Variants in TPD52L1 observed in about 807,000 individuals in gnomAD.
The protein encoded by TPD52L1 is TPD52 like 1.
Under a neutral mutation model 28.7 loss-of-function variants are expected in TPD52L1, and 18 were observed. The observed-to-expected ratio is 0.63, with a 90% CI of 0.43 to 0.93. The LOEUF is 0.93. Ranked by LOEUF, TPD52L1 falls within the 40% of genes least tolerant of loss-of-function variation. The pLI is 0.00. For synonymous variants in TPD52L1, 75 were observed against 88.8 expected (o/e 0.84, Z 0.88); for missense variants, 203 against 254.8 (o/e 0.80, Z 1.39).
chr6:125,202,298 AT>A (rs1157935142), intron 1 of TPD52L1, among the ~76,000 whole-genome samples: 1 of 152,070 alleles, frequency 6.6e-6, no homozygotes, highest in Non-Finnish European at 1.5e-5. Context: ...TGTCAAGAAA[AT>A]TTTTTCCTGA....
chr6:125,218,016 T>A (rs1794994092), intron 1 of TPD52L1, among the ~76,000 whole-genome samples: 1 of 152,182 alleles, frequency 6.6e-6, no homozygotes, highest in South Asian at 2.1e-4. Flanking sequence ...TGACTTACAG[T>A]TTGTTGACAC....
chr6:125,232,156 A>G (rs1419233379), intron 3 of TPD52L1, among the ~76,000 whole-genome samples: 1 of 152,218 alleles, frequency 6.6e-6, no homozygotes, highest in East Asian at 1.9e-4. Context: ...AAACTAGATG[A>G]CTAGATGAGA....
intron 3 of TPD52L1, among the ~76,000 whole-genome samples, chr6:125,246,440 A>G (rs1796930062): frequency 6.6e-6 from 1 of 152,128 alleles, no homozygotes; most frequent in South Asian, 2.1e-4. Context: ...GTCTCCACAC[A>G]CTATTCTGTC....
chr6:125,222,317 A>G (rs2114968097), intron 2 of TPD52L1, among the ~76,000 whole-genome samples: 1 of 152,282 alleles, frequency 6.6e-6, no homozygotes, highest in Middle Eastern at 3.4e-3. Context: ...GAGATTCTTT[A>G]TGGGCCCCTG....
chr6:125,177,792 T>G (rs1393365687), intron 1 of TPD52L1, among the ~76,000 whole-genome samples: 2 of 152,198 alleles, frequency 1.3e-5, no homozygotes, highest in Admixed American at 1.3e-4. Flanking sequence ...ACCATTACTT[T>G]TAAAGCGACT....
At position 125,156,690 on chromosome 6, in the gene TPD52L1, G is replaced by A. The variant is rs1423251196; in HGVS notation, c.19+2720G>A. On this transcript the variant is annotated intron_variant, in intron 1 of 6. Transcript: ENST00000534000. ...AGGTTGAGGTGGGAGGATCACCTGA[G>A]CCCAGCAGGTGGAGGCAGCCGTGAG... 2.0e-5 allele frequency among the ~76,000 whole-genome samples: 3 copies of A among 152,062 alleles called. No homozygotes were observed. In the East Asian group the frequency reaches 5.8e-4, roughly 29 times the overall value.
intron 1 of TPD52L1, among the ~76,000 whole-genome samples, chr6:125,175,219 C>A (rs529394585): frequency 6.6e-6 from 1 of 152,060 alleles, no homozygotes; most frequent in East Asian, 1.9e-4. Context: ...ATGGAGAGCA[C>A]TCTATAAATA....
intron 2 of TPD52L1, among the ~76,000 whole-genome samples, chr6:125,222,828 C>A (rs775043204): frequency 2.6e-5 from 4 of 152,176 alleles, no homozygotes; most frequent in Non-Finnish European, 4.4e-5. Context: ...CCTCTTTATT[C>A]TCTTACACAA....
rs555104566 is a variant in TPD52L1 at position 125,204,297 on chromosome 6, C to T, written c.20-15781C>T. Among the ~76,000 whole-genome samples the T allele has an allele frequency of 7.2e-5, 11 of 152,220 alleles. No individual in the cohort carries two copies. The South Asian group carries it at 2.3e-3, about 32-fold the overall frequency. On this transcript the variant is annotated intron_variant, in intron 1 of 6. Transcript: ENST00000534000. ...ATGTAGTCCTTGAAGGAACAAGATG[C>T]ATTAACAAAAATGGAGTGATGGTTC...
chr6:125,207,130 T>C (rs1285771134), intron 1 of TPD52L1, among the ~76,000 whole-genome samples: 5 of 152,172 alleles, frequency 3.3e-5, no homozygotes, highest in Non-Finnish European at 7.4e-5. Flanking sequence ...TTGGGAGACA[T>C]AAGCCACCCT....
intron 1 of TPD52L1, among the ~76,000 whole-genome samples, chr6:125,200,535 T>C (rs1175668226): frequency 6.6e-6 from 1 of 152,160 alleles, no homozygotes; most frequent in African/African-American, 2.4e-5. Flanking sequence ...TACAGAGGAA[T>C]ATAAAACAGA....
chr6:125,154,305 G>A lies in TPD52L1; in HGVS notation c.19+335G>A, dbSNP rs1230015654. 23 of 1,143,358 alleles carry A rather than the reference G, an allele frequency of 2.0e-5. 1 individual carries two copies. In the South Asian group the frequency reaches 8.6e-4, roughly 43 times the overall value. The allele number at this position is 1,143,358 out of a possible 1,614,324, so 70.8% of individuals were successfully genotyped here. A position where few individuals can be genotyped will look rare whatever the true frequency, so the allele number is the denominator to read the frequency against. ...CGAAGGACCTGTTGTGCCGGGTCCGGAAAGCGTGTTTCGCTCCCTTTCCCT... is the reference window on the plus strand; with the variant it reads ...CGAAGGACCTGTTGTGCCGGGTCCGAAAAGCGTGTTTCGCTCCCTTTCCCT... On this transcript the variant is annotated intron_variant, in intron 1 of 6. Transcript: ENST00000534000.
chr6:125,210,453 G>C (rs1794419419), intron 1 of TPD52L1, among the ~76,000 whole-genome samples: 1 of 152,198 alleles, frequency 6.6e-6, no homozygotes, highest in Admixed American at 6.5e-5. Flanking sequence ...AATGCCAAAT[G>C]ACCATAGGGC....
chr6:125,214,031 G>A (rs1481055556), intron 1 of TPD52L1, among the ~76,000 whole-genome samples: 1 of 152,188 alleles, frequency 6.6e-6, no homozygotes, highest in Admixed American at 6.5e-5. Context: ...GGAACCAGAC[G>A]ATGGCTGAGC....
At chr6:125,158,630 C>T (rs1280182201) in intron 1 of TPD52L1, among the ~76,000 whole-genome samples, 1 of 152,090 alleles carries the variant, frequency 6.6e-6, no homozygotes, top group African/African-American at 2.4e-5. Flanking sequence ...AATATAATCA[C>T]ATTACTTTTA....
At chr6:125,247,914 C>A (rs1797018645) in intron 3 of TPD52L1, among the ~76,000 whole-genome samples, 1 of 152,190 alleles carries the variant, frequency 6.6e-6, no homozygotes, top group South Asian at 2.1e-4. Flanking sequence ...TCTCTAATTT[C>A]TGTGTCATCC....
intron 1 of TPD52L1, among the ~76,000 whole-genome samples, chr6:125,164,124 A>G (rs576464840): frequency 2.0e-5 from 3 of 152,164 alleles, no homozygotes; most frequent in Admixed American, 6.6e-5. Flanking sequence ...TTACCATTCT[A>G]TAGGTACTTT....
intron 1 of TPD52L1, 87 bp downstream of exon 1, chr6:125,154,057 C>T: frequency 6.6e-7 from 1 of 1,525,796 alleles, no homozygotes; most frequent in South Asian, 1.2e-5. Context: ...CGCTCTCGGA[C>T]AGAACAGATT....
At chr6:125,154,330 T>C (rs951097961) in intron 1 of TPD52L1, 1 of 1,076,970 alleles carries the variant, frequency 9.3e-7, no homozygotes, top group African/African-American at 1.7e-5. Context: ...TCCCTTTCCC[T>C]TGAGGGAGTG....
Sources: allele counts gnomAD v4.1 joint callset (sites outside exome capture counted in the v4.1 genomes callset), GRCh38; gene constraint gnomAD v4.1.1; transcripts MANE v1.5; gene names NCBI Gene and HGNC (gene_info 2026-07-23, HGNC 2026-07-21).